The following RBM26 variants were observed in gnomAD, a reference collection of about 807,000 sequenced individuals.
RBM26 encodes the protein RNA-binding protein 26.
Under a neutral mutation model 123.6 loss-of-function variants are expected in RBM26, and 30 were observed. The ratio of observed to expected loss-of-function variants is 0.24; its 90% CI spans 0.18 to 0.33. The LOEUF (loss-of-function observed/expected upper bound fraction) is 0.33, where lower values mean the gene tolerates loss of function less well. Ranked by LOEUF, RBM26 falls within the 10% of genes least tolerant of loss-of-function variation. The probability of loss-of-function intolerance (pLI) is 1.00; values close to 1 mark genes in which losing one functional copy is unlikely to be tolerated. For synonymous variants in RBM26, 400 were observed against 404.4 expected, an observed-to-expected ratio of 0.99 and a Z score of 0.13; for missense variants, 947 against 1,203.6, an observed-to-expected ratio of 0.79 and a Z score of 3.15.
intron 14 of RBM26, among the ~76,000 whole-genome samples, chr13:79,349,504 C>T (rs1477004131): frequency 6.6e-6 from 1 of 151,854 alleles, no homozygotes; most frequent in Non-Finnish European, 1.5e-5. Flanking sequence ...AAAATATGTA[C>T]AGCTAGTAAT....
chr13:79,344,356 T>G, intron 15 of RBM26, 34 bp from the exon 16 acceptor site: 1 of 1,400,960 alleles, frequency 7.1e-7, no homozygotes, highest in Non-Finnish European at 1.0e-6. Flanking sequence ...CATTAGAATA[T>G]TACTAAGGAT....
At chr13:79,351,609 G>C (rs1478563083) in intron 14 of RBM26, among the ~76,000 whole-genome samples, 3 of 149,436 alleles carry the variant, frequency 2.0e-5, no homozygotes, top group South Asian at 4.4e-4. Context: ...GGCGGCGGGG[G>C]GGGAAATGCA....
rs145183639 is a variant in RBM26 at position 79,336,500 on chromosome 13, C to T, written c.2733+602G>A. Among the ~76,000 whole-genome samples the T allele has an allele frequency of 2.1e-3, 321 of 152,230 alleles. 2 individuals are homozygous for T. The highest frequency in any genetic ancestry group is 3.2e-3 in the African/African-American group (131 of 41,554). On this transcript the variant is annotated intron_variant, in intron 19 of 21. Transcript: ENST00000438737. The stretch of plus-strand genomic sequence containing the variant: ...ATCACAGCATTTGAGATGAAAGGGC[C>T]ATTCAGCAGGTATAATCTTCATTTT...
rs140188767 is a variant in RBM26, at chr13:79,337,271, C to G, written c.2564G>C (p.Arg855Pro). The change falls in exon 19 of 22, where the codon CGG becomes CCG. Residue 855 changes from arginine to proline, a missense_variant. Arg to Pro is a moderately radical substitution (Grantham distance 103). Transcript: ENST00000438737. ...ACCTCTTGAATGAATTCCTCTGCCC[C>G]GACCAGATGAAAGAATCCCTCGTTT... Reference protein sequence around the residue: ...AAKRGILSSGRGRGIHSRGRG... With the variant: ...AAKRGILSSGPGRGIHSRGRG... The G allele has an allele frequency of 1.9e-6, 3 of 1,614,082 alleles. No individual in the cohort carries two copies. The East Asian group carries it at 6.7e-5, about 36-fold the overall frequency.
intron 1 of RBM26, among the ~76,000 whole-genome samples, chr13:79,390,856 A>T (rs2077907461): frequency 6.6e-6 from 1 of 152,204 alleles, no homozygotes; most frequent in South Asian, 2.1e-4. Flanking sequence ...AATGAACATT[A>T]TTGACAGAGG....
chr13:79,317,705 C>T (rs1209523204), downstream of RBM26, among the ~76,000 whole-genome samples: 2 of 151,652 alleles, frequency 1.3e-5, no homozygotes, highest in African/African-American at 4.8e-5. Flanking sequence ...GTGGAAATTC[C>T]ACTAAGCCTA....
At chr13:79,355,533 CTTT>C in intron 11 of RBM26, 149 bp from the exon 12 acceptor site, 1 of 611,310 alleles carries the variant, frequency 1.6e-6, no homozygotes, top group Non-Finnish European at 2.8e-6. Flanking sequence ...CCACAGTCTA[CTTT>C]TACTCCAGAA....
chr13:79,329,353 GT>G lies in RBM26; in HGVS notation c.2820+4990del, dbSNP rs968906727. On this transcript the variant is annotated intron_variant, in intron 20 of 21. Coordinates refer to ENST00000438737, the MANE Select transcript of RBM26 (RefSeq NM_001366735.2). ...TGCATATACATATATATATATGTAT[GT>G]TTTTTTTTCACTCCCAGTTCTGACA... Among the ~76,000 whole-genome samples, 9 of 149,136 alleles carry G rather than the reference GT, an allele frequency of 6.0e-5. 1 individual carries two copies. Among genetic ancestry groups the G allele is most frequent in the Admixed American group, 1.3e-4 (2 of 14,934 alleles).
intron 6 of RBM26, among the ~76,000 whole-genome samples, chr13:79,367,373 C>T (rs556023406): frequency 3.5e-4 from 45 of 129,682 alleles, no homozygotes; most frequent in Admixed American, 2.9e-3. Flanking sequence ...TGTCATTGCA[C>T]TCCAGCCTGG....
rs753551263 is a variant in RBM26 at position 79,320,597 on chromosome 13, T to C, written c.*24A>G. 15 of 1,566,880 alleles carry C rather than the reference T, an allele frequency of 9.6e-6. No homozygotes were observed. Among genetic ancestry groups the C allele is most frequent in the Non-Finnish European group, 1.3e-5 (15 of 1,161,032 alleles). On this transcript the variant is annotated 3_prime_UTR_variant, in exon 22 of 22. Transcript: ENST00000438737. ...ATGAAACACAGGTAGAGTTCTAGCA[T>C]ATGCAGATCAATGATCAGTCAAATC...
chr13:79,317,030 C>A (rs1412240001), downstream of RBM26, among the ~76,000 whole-genome samples: 3 of 151,554 alleles, frequency 2.0e-5, no homozygotes, highest in Non-Finnish European at 4.4e-5. Context: ...AATTTAAATC[C>A]ATATTGGTGA....
chr13:79,404,745 T>C (rs2079374415), intron 1 of RBM26, among the ~76,000 whole-genome samples: 1 of 152,218 alleles, frequency 6.6e-6, no homozygotes. Flanking sequence ...TGAGAGTCCT[T>C]CCTTGACCAA....
intron 20 of RBM26, among the ~76,000 whole-genome samples, chr13:79,328,923 C>A (rs1429526726): frequency 2.0e-5 from 3 of 151,472 alleles, no homozygotes; most frequent in Admixed American, 6.6e-5. Context: ...AAACTACATA[C>A]CTATGGATTT....
chr13:79,381,803 A>C (rs1435502193), intron 1 of RBM26, among the ~76,000 whole-genome samples: 7 of 152,208 alleles, frequency 4.6e-5, no homozygotes, highest in Non-Finnish European at 8.8e-5. Flanking sequence ...ATCTGAACTG[A>C]ATAAAAAACG....
chr13:79,365,449 T>C (rs1180454662), intron 9 of RBM26, 129 bp downstream of exon 9: 4 of 759,974 alleles, frequency 5.3e-6, no homozygotes, highest in Non-Finnish European at 6.5e-6. Flanking sequence ...TCTCCAAAAA[T>C]AAAATGAAAT....
intron 6 of RBM26, 70 bp from the exon 7 acceptor site, chr13:79,366,942 A>T: frequency 7.8e-7 from 1 of 1,290,294 alleles, no homozygotes; most frequent in Non-Finnish European, 1.0e-6. Flanking sequence ...TAAGTTAGCA[A>T]AAGTAAAATA....
chr13:79,318,813 T>G, downstream of RBM26: 2 of 983,496 alleles, frequency 2.0e-6, no homozygotes, highest in Non-Finnish European at 1.2e-6. Context: ...TTACTTTCTT[T>G]GTAATACCTG....
chr13:79,358,363 G>T lies in RBM26; in HGVS notation c.1600C>A (p.Leu534Ile). ...KVQFGNENTK[L>I]ELRKVPPELN... ...TCTGGAGGAACTTTTCTAAGTTCAA[G>T]CTTGGTATTTTCATTTCCAAATTGA... The change falls in exon 11 of 22, where the codon CTT becomes ATT. Residue 534 changes from leucine to isoleucine, a missense_variant. Coordinates refer to ENST00000438737, the MANE Select transcript of RBM26 (RefSeq NM_001366735.2). 6.2e-7 allele frequency: 1 copy of T among 1,611,820 alleles called. No individual in the cohort carries two copies. The highest frequency in any genetic ancestry group is 8.5e-7 in the Non-Finnish European group (1 of 1,179,048).
In RBM26 at chr13:79,406,216, A is replaced by AC. The variant is rs1204858807; in HGVS notation, c.-443dup. 7 of 153,448 alleles carry AC rather than the reference A, an allele frequency of 4.6e-5. No individual in the cohort carries two copies. The highest frequency in any genetic ancestry group is 3.9e-4 in the Admixed American group (6 of 15,300). 9.5% of individuals were successfully genotyped at this position (153,448 alleles called of 1,614,324 possible). ...TCAGGGGGTCTTCCCGGCTCCCAGC[A>AC]CCCCCAAGAAGATGGCTGCCGGTAA... On this transcript the variant is annotated 5_prime_UTR_variant, in exon 1 of 22. Transcript: ENST00000438737.
Sources: allele counts gnomAD v4.1 joint callset (sites outside exome capture counted in the v4.1 genomes callset), GRCh38; gene constraint gnomAD v4.1.1; transcripts MANE v1.5; gene names NCBI Gene and HGNC (gene_info 2026-07-23, HGNC 2026-07-21).